The following GALNT2 variants were observed in gnomAD, a reference collection of about 807,000 sequenced individuals.
GALNT2 encodes polypeptide N-acetylgalactosaminyltransferase 2, also known as UDP-GalNAc:polypeptide N-acetylgalactosaminyltransferase 2.
GALNT2 carries 31 observed loss-of-function variants against 81.4 expected under a neutral mutation model. The ratio of observed to expected loss-of-function variants is 0.38; its 90% CI spans 0.29 to 0.51. GALNT2 has a LOEUF of 0.51. GALNT2 is among the 20% of genes least tolerant of loss of function. GALNT2 has a pLI of 0.87. For missense variants in GALNT2, 629 were observed against 765.7 expected (o/e 0.82, Z 2.11); for synonymous variants, 303 against 287.4 (o/e 1.05, Z -0.55).
intron 9 of GALNT2, 55 bp downstream of exon 9, chr1:230,249,326 C>A: frequency 6.5e-7 from 1 of 1,533,296 alleles, no homozygotes; most frequent in Non-Finnish European, 9.0e-7. Flanking sequence ...CAGGTTCCAG[C>A]TTCTTTGCTG....
intron 3 of GALNT2, among the ~76,000 whole-genome samples, chr1:230,213,680 C>G (rs6541305): frequency 6.6e-6 from 1 of 152,040 alleles, no homozygotes; most frequent in African/African-American, 2.4e-5. Context: ...GTTGTGTTCT[C>G]TTAGTTCCAC....
chr1:230,138,267 G>A (rs958017810), intron 1 of GALNT2, among the ~76,000 whole-genome samples: 1 of 152,112 alleles, frequency 6.6e-6, no homozygotes, highest in African/African-American at 2.4e-5. Flanking sequence ...CAGAGCGCCT[G>A]TATTCCCAGC....
At chr1:230,189,424 T>A (rs750421746) in intron 2 of GALNT2, among the ~76,000 whole-genome samples, 3 of 152,190 alleles carry the variant, frequency 2.0e-5, no homozygotes. Context: ...ATGGGAATGA[T>A]GAAATGTGTT....
At chr1:230,140,283 C>T (rs765522073) in intron 1 of GALNT2, among the ~76,000 whole-genome samples, 6 of 152,170 alleles carry the variant, frequency 3.9e-5, no homozygotes, top group Non-Finnish European at 7.4e-5. Context: ...AACCAGGCAA[C>T]AGTCCCTGCC....
intron 3 of GALNT2, among the ~76,000 whole-genome samples, chr1:230,224,307 G>A (rs1255176084): frequency 1.3e-5 from 2 of 152,166 alleles, no homozygotes; most frequent in African/African-American, 4.8e-5. Flanking sequence ...CCCTGGCATC[G>A]GGAGGAATGA....
chr1:230,251,002 C>T (rs978065306), intron 10 of GALNT2, among the ~76,000 whole-genome samples: 3 of 152,184 alleles, frequency 2.0e-5, no homozygotes, highest in African/African-American at 7.2e-5. Flanking sequence ...TTAATCCCTT[C>T]TCGACTACCT....
chr1:230,092,475 C>G (rs150104347), intron 1 of GALNT2, among the ~76,000 whole-genome samples: 2,076 of 151,836 alleles, frequency 0.014, 27 homozygotes, highest in Non-Finnish European at 0.023. Context: ...TCCTAAGTAG[C>G]TGGGATTACA....
At chr1:230,082,922 A>G (rs1042188902) in intron 1 of GALNT2, among the ~76,000 whole-genome samples, 3 of 149,268 alleles carry the variant, frequency 2.0e-5, no homozygotes, top group African/African-American at 7.5e-5. Context: ...GGGAGCTGGG[A>G]TGATGGAGCC....
At chr1:230,130,873 G>C (rs905318576) in intron 1 of GALNT2, among the ~76,000 whole-genome samples, 7 of 152,212 alleles carry the variant, frequency 4.6e-5, no homozygotes, top group South Asian at 2.1e-4. Context: ...GGGCTTAAAT[G>C]GGAAAGCACT....
intron 6 of GALNT2, among the ~76,000 whole-genome samples, chr1:230,241,731 G>A (rs1665207751): frequency 6.6e-6 from 1 of 152,200 alleles, no homozygotes; most frequent in Non-Finnish European, 1.5e-5. Context: ...ACAGGCGTGA[G>A]CCACCACGCC....
Position 230,255,255 on chromosome 1 carries a change from G to A in GALNT2, c.1047G>A (p.Leu349=), listed in dbSNP as rs748256829. ...GCGTGTGGCAGTGTGGTGGCAGCCT[G>A]GAGATCATCCCGTGCAGCCGTGTGG... The part of the protein sequence containing the change: ...SFRVWQCGGS[L]EIIPCSRVGH... Residue 349 remains leucine, a synonymous_variant, in exon 11 of 16, where the codon CTG becomes CTA. Transcript: ENST00000366672. The A allele has an allele frequency of 6.2e-7, 1 of 1,614,196 alleles. No homozygotes were observed. Among genetic ancestry groups the A allele is most frequent in the Non-Finnish European group, 8.5e-7 (1 of 1,180,036 alleles).
intron 11 of GALNT2, among the ~76,000 whole-genome samples, chr1:230,260,214 T>C (rs1665834528): frequency 6.6e-6 from 1 of 152,216 alleles, no homozygotes; most frequent in African/African-American, 2.4e-5. Context: ...TAATACTACC[T>C]AAATACTTGC....
rs144883388 is a variant in GALNT2, at chr1:230,234,955, G to A, written c.375-1059G>A. ...CTGACTGAGCACAGTGGCTCATGCC[G>A]GTAATCCTAGCACTTCAGAAAGCTG... On this transcript the variant is annotated intron_variant, in intron 3 of 15. Transcript: ENST00000366672. Among the ~76,000 whole-genome samples, 323 of 152,098 alleles carry A rather than the reference G, an allele frequency of 2.1e-3. 1 individual carries two copies. Among genetic ancestry groups the A allele is most frequent in the Non-Finnish European group, 3.0e-3 (201 of 67,984 alleles).
chr1:230,243,231 G>T lies in GALNT2; in HGVS notation c.608-75G>T. Reference sequence around the variant, plus strand: ...GCTGCAGAGCTGCGGGCAGGGAGGCGTCGCCGGTTGGCATGGGGTTGTGCT... The same window carrying T: ...GCTGCAGAGCTGCGGGCAGGGAGGCTTCGCCGGTTGGCATGGGGTTGTGCT... On this transcript the variant is annotated intron_variant, in intron 6 of 15. Coordinates refer to ENST00000366672, the MANE Select transcript of GALNT2 (RefSeq NM_004481.5). This position sits in a 1 kb window ranked among gnomAD's most constrained non-coding sequence, Gnocchi z 4.2. 1 of 1,491,164 alleles carries T rather than the reference G, an allele frequency of 6.7e-7. No individual in the cohort carries two copies. The highest frequency in any genetic ancestry group is 8.9e-7 in the Non-Finnish European group (1 of 1,123,880). 92.4% of individuals were successfully genotyped at this position (1,491,164 alleles called of 1,614,324 possible).
At chr1:230,120,813 C>G (rs758647552) in intron 1 of GALNT2, among the ~76,000 whole-genome samples, 2 of 152,188 alleles carry the variant, frequency 1.3e-5, no homozygotes, top group African/African-American at 4.8e-5. Context: ...TCACACATGG[C>G]CAGACACAGC....
intron 1 of GALNT2, among the ~76,000 whole-genome samples, chr1:230,092,185 T>TGTTTTTTTTTTTTTTTTTTTTTTTTTTG (rs371156205): frequency 9.6e-5 from 11 of 114,254 alleles, no homozygotes; most frequent in East Asian, 2.4e-4. Flanking sequence ...AGTTTTTTTT[T>TGTTTTTTTTTTTTTTTTTTTTTTTTTTG]TTTTTTTTTT....
At chr1:230,277,669 G>A (rs992064594) in intron 15 of GALNT2, among the ~76,000 whole-genome samples, 3 of 152,218 alleles carry the variant, frequency 2.0e-5, no homozygotes, top group African/African-American at 7.2e-5. Flanking sequence ...AAGGAAAGCA[G>A]GGTACAAGTG....
intron 1 of GALNT2, among the ~76,000 whole-genome samples, chr1:230,132,981 G>A (rs1396081810): frequency 1.5e-4 from 23 of 152,184 alleles, no homozygotes; most frequent in Admixed American, 1.5e-3. Context: ...TGCCGCGTAA[G>A]CATCCCCACC....
At chr1:230,254,979 T>A (rs1195330580) in intron 10 of GALNT2, among the ~76,000 whole-genome samples, 3 of 152,238 alleles carry the variant, frequency 2.0e-5, no homozygotes, top group African/African-American at 4.8e-5. Context: ...CCCGTGAACA[T>A]TTTTTCTTGA....
Sources: gnomAD v4.1 joint callset for allele counts (sites outside exome capture counted in the v4.1 genomes callset) on GRCh38, gnomAD v4.1.1 for gene constraint, Gnocchi (gnomAD v3.1) non-coding constraint, MANE v1.5 for transcripts, NCBI Gene and HGNC (gene_info 2026-07-23, HGNC 2026-07-21) for gene names.